ARRB1: variants seen among roughly 807,000 people sequenced by gnomAD.
ARRB1 encodes the protein beta-arrestin-1.
Under a neutral mutation model 56.8 loss-of-function variants are expected in ARRB1, and 21 were observed. The ratio of observed to expected loss-of-function variants is 0.37; its 90% confidence interval spans 0.26 to 0.53. The LOEUF (loss-of-function observed/expected upper bound fraction) is 0.53. Ranked by LOEUF, ARRB1 falls within the 20% of genes least tolerant of loss-of-function variation. The pLI is 0.88. For synonymous variants in ARRB1, 210 were observed against 218.6 expected (o/e 0.96, Z 0.35); for missense variants, 424 against 553.7 (o/e 0.77, Z 2.35).
intron 13 of ARRB1, chr11:75,269,314 A>G (rs1946020064): frequency 4.7e-6 from 2 of 429,854 alleles, no homozygotes; most frequent in Admixed American, 6.3e-5. Flanking sequence ...CCCCACCTCA[A>G]ATCGCCACAG....
intron 15 of ARRB1, among the ~76,000 whole-genome samples, chr11:75,266,642 G>A (rs1433667902): frequency 6.6e-6 from 1 of 152,210 alleles, no homozygotes; most frequent in East Asian, 1.9e-4. Flanking sequence ...TGAGAGGCCA[G>A]GCCACCAGTA....
intron 1 of ARRB1, among the ~76,000 whole-genome samples, chr11:75,310,717 GCATGGGCATT>G (rs2140481362): frequency 6.6e-6 from 1 of 152,306 alleles, no homozygotes; most frequent in South Asian, 2.1e-4. Flanking sequence ...GAGGCAGTGG[GCATGGGCATT>G]CATGCCACAG....
In ARRB1 at chr11:75,326,540, C is replaced by T. The variant is rs115370400; in HGVS notation, c.20+25048G>A. ...GTTAAATAACCTGCCCAAGGCCACA[C>T]AGCTTGGGCAGTGTGGGAAGTCTGG... On this transcript the variant is annotated intron_variant, in intron 1 of 15. Transcript: ENST00000420843. Among the ~76,000 whole-genome samples the T allele has an allele frequency of 6.4e-3, 974 of 152,070 alleles. 11 individuals are homozygous for T. The highest frequency in any genetic ancestry group is 0.022 in the African/African-American group (920 of 41,454).
At chr11:75,303,451 C>T in intron 1 of ARRB1, 2 of 403,564 alleles carry the variant, frequency 5.0e-6, no homozygotes, top group South Asian at 1.8e-5. Flanking sequence ...CCAAGAAGCC[C>T]TCCTTGACTG....
chr11:75,321,022 A>G (rs1356439259), intron 1 of ARRB1, among the ~76,000 whole-genome samples: 1 of 151,784 alleles, frequency 6.6e-6, no homozygotes, highest in Non-Finnish European at 1.5e-5. Context: ...ACACACATAC[A>G]CTCACTAGTG....
chr11:75,315,361 G>A (rs1195577511), intron 1 of ARRB1, among the ~76,000 whole-genome samples: 12 of 152,058 alleles, frequency 7.9e-5, no homozygotes, highest in Admixed American at 1.3e-4. Flanking sequence ...TGGATTTGCC[G>A]CAGTGACCCC....
intron 1 of ARRB1, among the ~76,000 whole-genome samples, chr11:75,340,447 G>A (rs1309768897): frequency 6.6e-6 from 1 of 152,260 alleles, no homozygotes; most frequent in African/African-American, 2.4e-5. Flanking sequence ...AGGCCCCTCT[G>A]GGGAAACAGG....
intron 1 of ARRB1, among the ~76,000 whole-genome samples, chr11:75,347,435 A>T (rs879578669): frequency 6.6e-6 from 1 of 152,162 alleles, no homozygotes; most frequent in South Asian, 2.1e-4. Context: ...GTTCATCTGC[A>T]GGAAAGGAAA....
At position 75,284,298 on chromosome 11, in the gene ARRB1, G is replaced by C. The variant is rs762341980; in HGVS notation, c.113-19C>G. 1 of 1,604,148 alleles carries C rather than the reference G, an allele frequency of 6.2e-7. No individual in the cohort carries two copies. The highest frequency in any genetic ancestry group is 1.3e-5 in the African/African-American group (1 of 74,768). On this transcript the variant is annotated intron_variant, in intron 3 of 15. Coordinates refer to ENST00000420843, the MANE Select transcript of ARRB1 (RefSeq NM_004041.5). ...ACACCATCTGGGGAAAGGACAGAGAGTAAGCGGCCTCTCCCAACCTGGTCT... is the reference window on the plus strand; with the variant it reads ...ACACCATCTGGGGAAAGGACAGAGACTAAGCGGCCTCTCCCAACCTGGTCT...
chr11:75,309,748 C>A (rs1281614028), intron 1 of ARRB1, among the ~76,000 whole-genome samples: 1 of 152,162 alleles, frequency 6.6e-6, no homozygotes, highest in Non-Finnish European at 1.5e-5. Context: ...AATTATTGAG[C>A]ATTTTAAATA....
intron 1 of ARRB1, among the ~76,000 whole-genome samples, chr11:75,306,357 C>T (rs975589790): frequency 3.5e-4 from 53 of 152,292 alleles, no homozygotes; most frequent in African/African-American, 1.2e-3. Flanking sequence ...CCCCCAACTC[C>T]TTAGACAAGT....
At chr11:75,316,317 ACT>A (rs369419718) in intron 1 of ARRB1, among the ~76,000 whole-genome samples, 1,521 of 147,822 alleles carry the variant, frequency 0.01, 26 homozygotes, top group African/African-American at 0.037. Flanking sequence ...ACAGAGTGAG[ACT>A]CTGTCAAAAA....
chr11:75,292,215 C>T (rs563689226), intron 1 of ARRB1, among the ~76,000 whole-genome samples: 1 of 152,296 alleles, frequency 6.6e-6, no homozygotes, highest in South Asian at 2.1e-4. Flanking sequence ...TCTCAGCTCA[C>T]TGCAACCTCC....
chr11:75,268,510 C>CAAAAAA (rs61409833), intron 14 of ARRB1, among the ~76,000 whole-genome samples: 418 of 60,966 alleles, frequency 6.9e-3, no homozygotes, highest in Middle Eastern at 0.013. Flanking sequence ...GTCTCAAAAC[C>CAAAAAA]AAAAAAAAAA....
intron 1 of ARRB1, among the ~76,000 whole-genome samples, chr11:75,350,702 ACT>A (rs1270544008): frequency 6.6e-6 from 1 of 152,116 alleles, no homozygotes. Context: ...CTGGCCAGCC[ACT>A]CCTCAGGAGG....
chr11:75,342,084 G>C lies in ARRB1; in HGVS notation c.20+9504C>G, dbSNP rs537326446. 3.3e-5 allele frequency among the ~76,000 whole-genome samples: 5 copies of C among 152,338 alleles called. No individual in the cohort carries two copies. The South Asian group carries it at 1.0e-3, about 32-fold the overall frequency. On this transcript the variant is annotated intron_variant, in intron 1 of 15. Transcript: ENST00000420843. ...AACTGAGGCCCAATGAGGAAAAGCA[G>C]CTTGCCTATGGCAGCACAGGGACAG... is the stretch of plus-strand genomic sequence containing the variant.
In ARRB1 at chr11:75,299,025, T is replaced by C. The variant is rs563966130; in HGVS notation, c.21-8986A>G. 9.9e-5 allele frequency among the ~76,000 whole-genome samples: 15 copies of C among 151,790 alleles called. No homozygotes were observed. In the South Asian group the frequency reaches 1.7e-3, roughly 17 times the overall value. On this transcript the variant is annotated intron_variant, in intron 1 of 15. Transcript: ENST00000420843. ...GCATTAAATGTTCAGAGTAGGCAAATTGATAGAGACAGAAGGTAAATTAGT... is the reference window on the plus strand; with the variant it reads ...GCATTAAATGTTCAGAGTAGGCAAACTGATAGAGACAGAAGGTAAATTAGT...
intron 1 of ARRB1, among the ~76,000 whole-genome samples, chr11:75,317,377 C>A (rs759329557): frequency 6.6e-6 from 1 of 152,146 alleles, no homozygotes; most frequent in Non-Finnish European, 1.5e-5. Context: ...TTATTAACTT[C>A]TGTGAAAATA....
intron 1 of ARRB1, among the ~76,000 whole-genome samples, chr11:75,320,360 C>T (rs1947326791): frequency 1.3e-5 from 2 of 152,218 alleles, no homozygotes; most frequent in South Asian, 4.1e-4. Context: ...AGGAAAGAGC[C>T]AGACATGCAA....
Sources: gnomAD v4.1 joint callset for allele counts (sites outside exome capture counted in the v4.1 genomes callset) on GRCh38, gnomAD v4.1.1 for gene constraint, MANE v1.5 for transcripts, NCBI Gene and HGNC (gene_info 2026-07-23, HGNC 2026-07-21) for gene names.